The following PDE8B variants were observed in gnomAD, a reference collection of about 807,000 sequenced individuals.
The protein encoded by PDE8B is phosphodiesterase 8B.
Under a neutral mutation model 101.3 loss-of-function variants are expected in PDE8B, and 26 were observed. The observed-to-expected ratio is 0.26, with a 90% CI of 0.19 to 0.36. The LOEUF (loss-of-function observed/expected upper bound fraction) is 0.36, where lower values mean the gene tolerates loss of function less well. PDE8B is among the 10% of genes least tolerant of loss of function. PDE8B has a pLI of 1.00. For missense variants in PDE8B, 810 were observed against 1,163.1 expected, an observed-to-expected ratio of 0.70 and a Z score of 4.42; for synonymous variants, 424 against 429.3, an observed-to-expected ratio of 0.99 and a Z score of 0.15.
intron 10 of PDE8B, among the ~76,000 whole-genome samples, chr5:77,367,818 C>G (rs1784422480): frequency 6.6e-6 from 1 of 152,122 alleles, no homozygotes; most frequent in Admixed American, 6.5e-5. Context: ...CGTGAGCCAC[C>G]ACGCCTAGCT....
At chr5:77,294,275 A>G (rs1173286676) in intron 1 of PDE8B, among the ~76,000 whole-genome samples, 1 of 152,202 alleles carries the variant, frequency 6.6e-6, no homozygotes, top group Non-Finnish European at 1.5e-5. Flanking sequence ...GGAAGTCTGC[A>G]GGAGGAAGCA....
the PDE8B span, among the ~76,000 whole-genome samples, chr5:77,124,315 C>T: frequency 6.6e-6 from 1 of 152,090 alleles, no homozygotes; most frequent in African/African-American, 2.4e-5. Flanking sequence ...GTTGGCTAGG[C>T]CTGGTGGTTC....
At chr5:77,245,935 T>G (rs1160103254) in intron 1 of PDE8B, among the ~76,000 whole-genome samples, 2 of 142,882 alleles carry the variant, frequency 1.4e-5, no homozygotes, top group Admixed American at 1.5e-4. Flanking sequence ...CACTGTAGCC[T>G]TACCTCCTGA....
chr5:77,419,377 A>G (rs1250827003), intron 18 of PDE8B, among the ~76,000 whole-genome samples: 1 of 152,174 alleles, frequency 6.6e-6, no homozygotes, highest in Non-Finnish European at 1.5e-5. Context: ...TGCAATGGGA[A>G]TCCCTGTGTT....
chr5:77,380,931 C>T (rs1787330424), intron 10 of PDE8B, among the ~76,000 whole-genome samples: 1 of 152,162 alleles, frequency 6.6e-6, no homozygotes, highest in African/African-American at 2.4e-5. Context: ...AGAGGAAAGA[C>T]TGTGGACTGG....
intron 10 of PDE8B, among the ~76,000 whole-genome samples, chr5:77,368,826 T>C (rs1343830651): frequency 2.0e-5 from 3 of 152,196 alleles, no homozygotes; most frequent in Admixed American, 6.5e-5. Flanking sequence ...TCTACTCTTA[T>C]TAAGTCAAGT....
chr5:77,351,013 G>C, intron 8 of PDE8B, 52 bp from the exon 9 acceptor site: 3 of 1,292,850 alleles, frequency 2.3e-6, no homozygotes, highest in Non-Finnish European at 3.4e-6. Context: ...CTCTGCAGGA[G>C]CAGCTGTCAT....
chr5:77,393,883 A>G (rs1790468862), intron 10 of PDE8B, among the ~76,000 whole-genome samples: 1 of 152,200 alleles, frequency 6.6e-6, no homozygotes, highest in Non-Finnish European at 1.5e-5. Context: ...AACCATTTAG[A>G]CAACGTACCA....
chr5:77,411,656 A>T lies in PDE8B; in HGVS notation c.1531-20A>T, dbSNP rs1794587057. ...AATAGATATAAAGCATGCTTCTAAC[A>T]GGCTCTTCCTTTATTCCAGGACGGC... On this transcript the variant is annotated intron_variant, in intron 14 of 21. Transcript: ENST00000264917. 1 of 1,595,724 alleles carries T rather than the reference A, an allele frequency of 6.3e-7. No homozygotes were observed. Among genetic ancestry groups the T allele is most frequent in the African/African-American group, 1.3e-5 (1 of 74,546 alleles).
chr5:77,314,514 T>C (rs985553683), intron 2 of PDE8B, among the ~76,000 whole-genome samples: 1 of 152,160 alleles, frequency 6.6e-6, no homozygotes, highest in African/African-American at 2.4e-5. Flanking sequence ...TGTTTTCCAG[T>C]CTATGACCAT....
chr5:77,398,205 A>G (rs991449433), intron 10 of PDE8B, among the ~76,000 whole-genome samples: 2 of 151,870 alleles, frequency 1.3e-5, no homozygotes, highest in South Asian at 2.1e-4. Flanking sequence ...CTTAATACAT[A>G]TGTAAACATA....
intron 10 of PDE8B, among the ~76,000 whole-genome samples, chr5:77,384,503 T>C (rs1788144921): frequency 1.3e-5 from 2 of 152,206 alleles, no homozygotes; most frequent in South Asian, 4.1e-4. Context: ...GAACTTCCAA[T>C]ACCATGTTGA....
At chr5:77,414,901 A>T (rs1795233135) in intron 17 of PDE8B, among the ~76,000 whole-genome samples, 1 of 152,202 alleles carries the variant, frequency 6.6e-6, no homozygotes, top group Non-Finnish European at 1.5e-5. Context: ...AACATTGATT[A>T]AATTTTTGAT....
chr5:77,259,088 C>G (rs1388727574), intron 1 of PDE8B, among the ~76,000 whole-genome samples: 1 of 72,154 alleles, frequency 1.4e-5, no homozygotes, highest in Admixed American at 1.3e-4. Flanking sequence ...CCCCCCCACA[C>G]ACACACACGA....
At chr5:77,152,205 G>C in the PDE8B span, 1 of 152,154 alleles carries the variant, frequency 6.6e-6, no homozygotes, top group Non-Finnish European at 1.5e-5. Flanking sequence ...TCTGTGACTG[G>C]GGACCACTGA....
At chr5:77,312,896 G>A (rs549883637) in intron 2 of PDE8B, among the ~76,000 whole-genome samples, 2 of 152,300 alleles carry the variant, frequency 1.3e-5, no homozygotes, top group East Asian at 3.9e-4. Flanking sequence ...AAGGATACAA[G>A]GCCCAACCAC....
chr5:77,091,805 CT>C, the PDE8B span, among the ~76,000 whole-genome samples: 2 of 152,068 alleles, frequency 1.3e-5, no homozygotes, highest in Non-Finnish European at 2.9e-5. Flanking sequence ...CTTTGAGTGT[CT>C]AAAAGAATCC....
At chr5:77,271,723 C>T (rs1762837658) in intron 1 of PDE8B, among the ~76,000 whole-genome samples, 1 of 152,116 alleles carries the variant, frequency 6.6e-6, no homozygotes, top group African/African-American at 2.4e-5. Flanking sequence ...GCTGGACATC[C>T]CCAAAGTTGT....
At chr5:77,166,000 A>G in the PDE8B span, among the ~76,000 whole-genome samples, 4 of 78,626 alleles carry the variant, frequency 5.1e-5, no homozygotes, top group Admixed American at 2.4e-4. Flanking sequence ...AAGAAAAAGA[A>G]AAAAAAAAGG....
Sources: gnomAD v4.1 joint callset for allele counts (sites outside exome capture counted in the v4.1 genomes callset) on GRCh38, gnomAD v4.1.1 for gene constraint, MANE v1.5 for transcripts, NCBI Gene and HGNC (gene_info 2026-07-23, HGNC 2026-07-21) for gene names.